SLC38A4: variants seen among roughly 807,000 people sequenced by gnomAD.
SLC38A4 encodes sodium-coupled neutral amino acid transporter 4.
Under a neutral mutation model 63.1 loss-of-function variants are expected in SLC38A4, and 20 were observed. The observed-to-expected ratio is 0.32, with a 90% CI of 0.22 to 0.46. The LOEUF (loss-of-function observed/expected upper bound fraction) is 0.46, where lower values mean the gene tolerates loss of function less well. Ranked by LOEUF, SLC38A4 falls within the 20% of genes least tolerant of loss-of-function variation. The pLI is 1.00. For missense variants in SLC38A4, 526 were observed against 663.6 expected (o/e 0.79, Z 2.28); for synonymous variants, 230 against 225.5 (o/e 1.02, Z -0.18).
intron 1 of SLC38A4, among the ~76,000 whole-genome samples, chr12:46,813,243 CAA>C (rs1342220771): frequency 6.6e-6 from 1 of 151,972 alleles, no homozygotes; most frequent in African/African-American, 2.4e-5. Flanking sequence ...GTTATATAAA[CAA>C]AGAGATCTGC....
chr12:46,769,623 T>G (rs1938371912), intron 14 of SLC38A4, among the ~76,000 whole-genome samples, 195 bp from the exon 15 acceptor site: 1 of 152,062 alleles, frequency 6.6e-6, no homozygotes, highest in African/African-American at 2.4e-5. Flanking sequence ...CATTTTTAAG[T>G]GTACAGTTCA....
At chr12:46,804,478 G>A (rs1312684762) in intron 1 of SLC38A4, among the ~76,000 whole-genome samples, 1 of 151,896 alleles carries the variant, frequency 6.6e-6, no homozygotes, top group Non-Finnish European at 1.5e-5. Context: ...AATCACAAAC[G>A]AATCAAGAAT....
chr12:46,782,157 G>A (rs1319813949), intron 7 of SLC38A4, among the ~76,000 whole-genome samples: 1 of 151,990 alleles, frequency 6.6e-6, no homozygotes, highest in African/African-American at 2.4e-5. Context: ...ATCAGGGTGA[G>A]TATAGTTAGA....
chr12:46,807,387 T>C (rs919298056), intron 1 of SLC38A4, among the ~76,000 whole-genome samples: 1 of 151,982 alleles, frequency 6.6e-6, no homozygotes, highest in Non-Finnish European at 1.5e-5. Flanking sequence ...CAAGATCTAA[T>C]TGATTTTTTT....
chr12:46,768,102 AC>A (rs1938335370), intron 16 of SLC38A4, among the ~76,000 whole-genome samples: 1 of 152,150 alleles, frequency 6.6e-6, no homozygotes, highest in Admixed American at 6.6e-5. Flanking sequence ...TGTATGACAG[AC>A]TCAACACAGG....
At chr12:46,774,949 T>C in intron 14 of SLC38A4, 100 bp downstream of exon 14, 1 of 1,383,970 alleles carries the variant, frequency 7.2e-7, no homozygotes, top group Non-Finnish European at 9.8e-7. Context: ...GGCATTGCAA[T>C]TGCAAACTCA....
At position 46,779,824 on chromosome 12, in the gene SLC38A4, A is replaced by G. The variant is rs1938602961; in HGVS notation, c.614T>C (p.Val205Ala). 6.2e-7 allele frequency: 1 copy of G among 1,612,112 alleles called. No homozygotes were observed. Among genetic ancestry groups the G allele is most frequent in the Non-Finnish European group, 8.5e-7 (1 of 1,179,040 alleles). ...YLNGNYLIIF[V>A]SVGIILPLSL... Reference sequence around the variant, plus strand: ...AAGTGGAAGAATAATTCCAACAGACACAAATATGATGAGGTAGTTGCCATT... The same window carrying G: ...AAGTGGAAGAATAATTCCAACAGACGCAAATATGATGAGGTAGTTGCCATT... The change falls in exon 9 of 17, where the codon GTG becomes GCG. Residue 205 changes from valine to alanine, a missense_variant. Coordinates refer to ENST00000266579, the MANE Select transcript of SLC38A4 (RefSeq NM_018018.5).
chr12:46,818,499 G>A (rs762073133), intron 1 of SLC38A4, among the ~76,000 whole-genome samples: 1 of 151,668 alleles, frequency 6.6e-6, no homozygotes, highest in Non-Finnish European at 1.5e-5. Flanking sequence ...AAAGTGAAAG[G>A]TCTGATTACT....
intron 2 of SLC38A4, among the ~76,000 whole-genome samples, chr12:46,794,990 GA>G (rs369351046): frequency 1.6e-4 from 23 of 146,486 alleles, no homozygotes; most frequent in African/African-American, 2.2e-4. Context: ...ATGGGTAAAA[GA>G]AAAAAAAAAG....
intron 10 of SLC38A4, 63 bp downstream of exon 10, chr12:46,779,548 A>G: frequency 7.7e-7 from 1 of 1,298,462 alleles, no homozygotes; most frequent in Admixed American, 2.2e-5. Context: ...TGAGGACACT[A>G]ATTTAGGCAC....
At chr12:46,792,374 A>G (rs1938908318) in intron 3 of SLC38A4, among the ~76,000 whole-genome samples, 1 of 152,132 alleles carries the variant, frequency 6.6e-6, no homozygotes, top group Admixed American at 6.6e-5. Context: ...TTTCACTAGG[A>G]TGGGGATTAC....
chr12:46,804,392 T>C (rs982984106), intron 1 of SLC38A4, among the ~76,000 whole-genome samples: 1 of 152,080 alleles, frequency 6.6e-6, no homozygotes, highest in Non-Finnish European at 1.5e-5. Context: ...ATTTTATATG[T>C]TGGCAAATCA....
intron 14 of SLC38A4, among the ~76,000 whole-genome samples, chr12:46,772,314 C>A (rs416435): frequency 0.35 from 52,639 of 151,576 alleles, 9,820 homozygotes; most frequent in Middle Eastern, 0.56. Context: ...GATCTGAAGG[C>A]AACATAAGTG....
At chr12:46,822,077 G>A (rs1323010603) in intron 1 of SLC38A4, among the ~76,000 whole-genome samples, 7 of 151,946 alleles carry the variant, frequency 4.6e-5, no homozygotes, top group Non-Finnish European at 8.8e-5. Context: ...TTATTGTGGG[G>A]TCTTTAGGAT....
chr12:46,786,417 T>C (rs1938762122), intron 5 of SLC38A4, among the ~76,000 whole-genome samples: 2 of 152,074 alleles, frequency 1.3e-5, no homozygotes, highest in Admixed American at 6.6e-5. Flanking sequence ...ATCTGCTAAG[T>C]GTTTATAAGC....
intron 7 of SLC38A4, among the ~76,000 whole-genome samples, chr12:46,782,818 C>G (rs1938670919): frequency 6.7e-6 from 1 of 149,974 alleles, no homozygotes; most frequent in Non-Finnish European, 1.5e-5. Flanking sequence ...CAGTGATCTT[C>G]CCAAGTTCAC....
At chr12:46,785,021 A>C in intron 6 of SLC38A4, 83 bp downstream of exon 6, 2 of 1,107,742 alleles carry the variant, frequency 1.8e-6, no homozygotes, top group South Asian at 1.3e-5. Flanking sequence ...GACTATAATC[A>C]TCCTAAGGTT....
At chr12:46,821,691 T>A (rs548023625) in intron 1 of SLC38A4, among the ~76,000 whole-genome samples, 1 of 152,298 alleles carries the variant, frequency 6.6e-6, no homozygotes, top group African/African-American at 2.4e-5. Flanking sequence ...CATGGTTCCA[T>A]ATAAATTTTA....
chr12:46,813,684 A>G (rs940607157), intron 1 of SLC38A4, among the ~76,000 whole-genome samples: 20 of 151,994 alleles, frequency 1.3e-4, no homozygotes, highest in Admixed American at 5.3e-4. Context: ...AGAGTCAAAT[A>G]GTAGATTCTG....
Sources: allele counts gnomAD v4.1 joint callset (sites outside exome capture counted in the v4.1 genomes callset), GRCh38; gene constraint gnomAD v4.1.1; transcripts MANE v1.5; gene names NCBI Gene and HGNC (gene_info 2026-07-23, HGNC 2026-07-21).